Variants in WWOX observed in about 807,000 individuals in gnomAD.
WWOX encodes WW domain-containing oxidoreductase.
In WWOX, 69 loss-of-function variants were observed where a neutral mutation model predicts 46.2. The observed-to-expected ratio is 1.49, with a 90% CI of 1.23 to 1.82. The LOEUF (loss-of-function observed/expected upper bound fraction) is 1.82. WWOX is among the 40% of genes most tolerant of loss of function. WWOX has a pLI of 0.00. For missense variants in WWOX, 919 were observed against 542.6 expected (o/e 1.69, Z -6.89); for synonymous variants, 359 against 202.6 (o/e 1.77, Z -6.56).
At chr16:78,836,256 C>T (rs1404008807) in intron 8 of WWOX, among the ~76,000 whole-genome samples, 2 of 152,024 alleles carry the variant, frequency 1.3e-5, no homozygotes, top group South Asian at 2.1e-4. Context: ...GGGACGGCTC[C>T]TTGGCAAGTT....
At chr16:78,351,492 G>T (rs1335005988) in intron 5 of WWOX, among the ~76,000 whole-genome samples, 1 of 152,154 alleles carries the variant, frequency 6.6e-6, no homozygotes, top group Non-Finnish European at 1.5e-5. Flanking sequence ...GGGCAGAGGG[G>T]TGGTCTGCCC....
intron 8 of WWOX, among the ~76,000 whole-genome samples, chr16:78,647,026 C>T (rs1046535968): frequency 6.6e-6 from 1 of 152,156 alleles, no homozygotes; most frequent in South Asian, 2.1e-4. Flanking sequence ...AAGAGTCTTT[C>T]TCTTCCTTTT....
intron 8 of WWOX, among the ~76,000 whole-genome samples, chr16:78,798,478 C>T (rs59643612): frequency 0.22 from 33,628 of 151,790 alleles, 4,039 homozygotes; most frequent in East Asian, 0.34. Context: ...GTACTCATGC[C>T]CCAGAAATTA....
rs77091811 is a variant in WWOX, at chr16:78,546,382, G to A, written c.1056+113630G>A. On this transcript the variant is annotated intron_variant, in intron 8 of 8. Transcript: ENST00000566780. Reference sequence around the variant, plus strand: ...CCCGGTTCTGTATACAACAGGTTTCGGGACTTGAAAGGCAGCCCACATTGA... The same window carrying A: ...CCCGGTTCTGTATACAACAGGTTTCAGGACTTGAAAGGCAGCCCACATTGA... Among the ~76,000 whole-genome samples, 412 of 152,194 alleles carry A rather than the reference G, an allele frequency of 2.7e-3. 8 individuals are homozygous for A. The East Asian group carries it at 0.055, about 20-fold the overall frequency.
intron 8 of WWOX, among the ~76,000 whole-genome samples, chr16:78,753,140 C>G (rs543978261): frequency 2.0e-5 from 3 of 152,072 alleles, no homozygotes; most frequent in East Asian, 1.9e-4. Flanking sequence ...ACTAATAATA[C>G]AAAAACAAAA....
chr16:78,557,636 A>G (rs945113455), intron 8 of WWOX, among the ~76,000 whole-genome samples: 2 of 134,984 alleles, frequency 1.5e-5, no homozygotes, highest in East Asian at 4.1e-4. Flanking sequence ...AAACTGTCTT[A>G]TTTTTCATTT....
chr16:78,178,035 C>T (rs2035405945), intron 5 of WWOX, among the ~76,000 whole-genome samples: 1 of 152,182 alleles, frequency 6.6e-6, no homozygotes, highest in Non-Finnish European at 1.5e-5. Flanking sequence ...TGAAAACAGA[C>T]ATGTGTTTAC....
At chr16:78,102,839 G>A (rs962072201) in intron 1 of WWOX, among the ~76,000 whole-genome samples, 1 of 152,138 alleles carries the variant, frequency 6.6e-6, no homozygotes, top group African/African-American at 2.4e-5. Context: ...CCTGTGGGAT[G>A]AGTAAATGAA....
chr16:78,937,036 T>C (rs2045752687), intron 8 of WWOX, among the ~76,000 whole-genome samples: 1 of 152,206 alleles, frequency 6.6e-6, no homozygotes, highest in Non-Finnish European at 1.5e-5. Flanking sequence ...CTAAACCTGG[T>C]CCTGGAAAAT....
At chr16:78,936,500 T>G (rs1338334522) in intron 8 of WWOX, among the ~76,000 whole-genome samples, 2 of 152,186 alleles carry the variant, frequency 1.3e-5, no homozygotes, top group Non-Finnish European at 2.9e-5. Context: ...AGCAAGCAGC[T>G]GAGGCAACCT....
intron 8 of WWOX, chr16:78,873,488 T>G (rs902401493): frequency 6.6e-6 from 1 of 152,224 alleles, no homozygotes; most frequent in African/African-American, 2.4e-5. Context: ...TATCCATTCA[T>G]TTTAAATACT....
chr16:78,807,411 G>T (rs903241709), intron 8 of WWOX, among the ~76,000 whole-genome samples: 6 of 152,206 alleles, frequency 3.9e-5, no homozygotes, highest in African/African-American at 1.4e-4. Flanking sequence ...CACAGGCCTT[G>T]ATGTTTTATG....
At chr16:79,011,237 G>A (rs985021916) in intron 8 of WWOX, among the ~76,000 whole-genome samples, 3 of 150,474 alleles carry the variant, frequency 2.0e-5, no homozygotes, top group African/African-American at 7.4e-5. Flanking sequence ...TCCTTAGCAG[G>A]CATCTTCTGA....
intron 1 of WWOX, 125 bp downstream of exon 1, chr16:78,100,010 A>G: frequency 6.8e-7 from 1 of 1,481,058 alleles, no homozygotes; most frequent in Non-Finnish European, 8.9e-7. Flanking sequence ...GTAACTGTTA[A>G]GGAGCTTCAG....
At chr16:79,114,954 G>A (rs1335123573) in intron 8 of WWOX, among the ~76,000 whole-genome samples, 1 of 152,194 alleles carries the variant, frequency 6.6e-6, no homozygotes, top group Non-Finnish European at 1.5e-5. Context: ...TACATCTCAA[G>A]GGCAGTTAGA....
intron 1 of WWOX, among the ~76,000 whole-genome samples, chr16:78,107,732 G>C (rs1228125083): frequency 1.3e-5 from 2 of 152,168 alleles, no homozygotes; most frequent in East Asian, 3.8e-4. Context: ...CCACTCAAGA[G>C]GCTGAAATAG....
intron 8 of WWOX, among the ~76,000 whole-genome samples, chr16:79,104,502 G>A (rs1289746677): frequency 3.3e-5 from 5 of 152,096 alleles, no homozygotes; most frequent in Admixed American, 1.3e-4. Context: ...CATATACAAA[G>A]GATAGATCAG....
intron 8 of WWOX, among the ~76,000 whole-genome samples, chr16:79,158,384 T>C (rs1213447857): frequency 6.6e-6 from 1 of 152,188 alleles, no homozygotes; most frequent in Non-Finnish European, 1.5e-5. Context: ...CAAGTCAGGC[T>C]TTAACACCAT....
intron 5 of WWOX, among the ~76,000 whole-genome samples, chr16:78,186,218 C>A (rs2035698912): frequency 6.6e-6 from 1 of 150,890 alleles, no homozygotes; most frequent in Non-Finnish European, 1.5e-5. Flanking sequence ...CATTGAAGTT[C>A]ATTTAATCTG....
Sources: allele counts gnomAD v4.1 joint callset (sites outside exome capture counted in the v4.1 genomes callset), GRCh38; gene constraint gnomAD v4.1.1; transcripts MANE v1.5; gene names NCBI Gene and HGNC (gene_info 2026-07-23, HGNC 2026-07-21).